The following GLIS1 variants were observed in gnomAD, a reference collection of about 807,000 sequenced individuals.
The protein encoded by GLIS1 is zinc finger protein GLIS1.
GLIS1 carries 24 observed loss-of-function variants against 63.8 expected under a neutral mutation model. That is an observed-to-expected ratio of 0.38 (90% CI 0.27 to 0.53). The LOEUF (loss-of-function observed/expected upper bound fraction) is 0.53, where lower values mean the gene tolerates loss of function less well. Among genes scored for constraint, GLIS1 ranks in the 20% least tolerant of loss-of-function variants. GLIS1 has a pLI of 0.85. For missense variants in GLIS1, 1,036 were observed against 1,074.1 expected (o/e 0.96, Z 0.50); for synonymous variants, 450 against 482.5 (o/e 0.93, Z 0.88).
chr1:53,657,247 G>A (rs531068520), intron 2 of GLIS1, among the ~76,000 whole-genome samples: 10 of 152,296 alleles, frequency 6.6e-5, no homozygotes, highest in Non-Finnish European at 5.9e-5. Context: ...TGAGGGGTAT[G>A]CTAATAGGTC....
rs528283416 is a variant in GLIS1, at chr1:53,514,123, C to G, written c.1883+502G>C. Among the ~76,000 whole-genome samples, 11 of 152,356 alleles carry G rather than the reference C, an allele frequency of 7.2e-5. No homozygotes were observed. The East Asian group carries it at 2.1e-3, about 29-fold the overall frequency. On this transcript the variant is annotated intron_variant, in intron 8 of 10. Transcript: ENST00000628545. ...AGAGGCTGCCCCTCTCCACAGTGAT[C>G]CTGAAGTAAAGGCTCCCAGGCAGCC...
At position 53,594,542 on chromosome 1, in the gene GLIS1, G is replaced by A. The variant is rs762773798; in HGVS notation, c.886C>T (p.Arg296Trp). 3.1e-5 allele frequency: 49 copies of A among 1,604,988 alleles called. 1 individual carries two copies. The highest frequency in any genetic ancestry group is 1.9e-4 in the South Asian group (17 of 90,870). ...GDLGGPSKRA[R>W]PGPASTDSHE... ...CTGTCCGTCGATGCAGGGCCAGGCC[G>A]GGCCCGCTTGGAAGGGCCCCCCAGA... The change falls in exon 4 of 11, where the codon CGG becomes TGG. Residue 296 changes from arginine (R) to tryptophan (W), a missense_variant. Physicochemically the swap from Arg to Trp is moderately radical, Grantham distance 101. Transcript: ENST00000628545.
intron 6 of GLIS1, among the ~76,000 whole-genome samples, chr1:53,523,321 C>A (rs1389776588): frequency 6.6e-6 from 1 of 152,094 alleles, no homozygotes; most frequent in Non-Finnish European, 1.5e-5. Flanking sequence ...ACCAACTTCC[C>A]AAGCCTGGCG....
chr1:53,652,462 G>A lies in GLIS1; in HGVS notation c.260-52184C>T, dbSNP rs554283456. Reference sequence around the variant, plus strand: ...TCCAGACACTGCTGACCAGAAAAGAGGGTGGGATGAGATGGTGGCCAGGGG... The same window carrying A: ...TCCAGACACTGCTGACCAGAAAAGAAGGTGGGATGAGATGGTGGCCAGGGG... On this transcript the variant is annotated intron_variant, in intron 2 of 10. Transcript: ENST00000628545. Among the ~76,000 whole-genome samples the A allele has an allele frequency of 8.5e-5, 13 of 152,276 alleles. No homozygotes were observed. The South Asian group carries it at 2.7e-3, about 32-fold the overall frequency.
At chr1:53,543,973 G>T (rs920704974) in intron 4 of GLIS1, among the ~76,000 whole-genome samples, 1 of 152,166 alleles carries the variant, frequency 6.6e-6, no homozygotes, top group Non-Finnish European at 1.5e-5. Flanking sequence ...GGAGAAGCAC[G>T]CTGTGAGGAG....
At chr1:53,656,400 T>C (rs1405313981) in intron 2 of GLIS1, among the ~76,000 whole-genome samples, 1 of 152,210 alleles carries the variant, frequency 6.6e-6, no homozygotes, top group Admixed American at 6.5e-5. Context: ...CTTTCTGAAA[T>C]GTCACCAAGA....
chr1:53,520,884 A>G (rs1644401523), intron 6 of GLIS1, 118 bp from the exon 7 acceptor site: 1 of 1,126,324 alleles, frequency 8.9e-7, no homozygotes, highest in Admixed American at 3.3e-5. Context: ...CCTTCCCTTC[A>G]CTGTGCCTCA....
At chr1:53,726,843 A>G (rs1189344760) in intron 2 of GLIS1, among the ~76,000 whole-genome samples, 2 of 152,222 alleles carry the variant, frequency 1.3e-5, no homozygotes, top group African/African-American at 4.8e-5. Context: ...AGAATTAAAA[A>G]GCAGAATCTG....
chr1:53,583,216 C>G (rs1344303383), intron 4 of GLIS1, among the ~76,000 whole-genome samples: 1 of 152,220 alleles, frequency 6.6e-6, no homozygotes, highest in Non-Finnish European at 1.5e-5. Flanking sequence ...AGTGACCCCA[C>G]TGTGAAACAG....
chr1:53,580,005 G>T (rs1645069577), intron 4 of GLIS1, among the ~76,000 whole-genome samples: 1 of 152,222 alleles, frequency 6.6e-6, no homozygotes, highest in Non-Finnish European at 1.5e-5. Flanking sequence ...ACCAGAACAA[G>T]GAAAATGCAT....
intron 2 of GLIS1, among the ~76,000 whole-genome samples, chr1:53,613,655 T>TG (rs1645449261): frequency 6.6e-6 from 1 of 151,378 alleles, no homozygotes; most frequent in South Asian, 2.1e-4. Context: ...TTTTGGTGGT[T>TG]TTTTTTTCAG....
At chr1:53,663,357 G>A (rs974703340) in intron 2 of GLIS1, among the ~76,000 whole-genome samples, 3 of 152,240 alleles carry the variant, frequency 2.0e-5, no homozygotes, top group South Asian at 2.1e-4. Flanking sequence ...GAGGCCTGGG[G>A]GCTGCCAAGG....
intron 4 of GLIS1, among the ~76,000 whole-genome samples, chr1:53,540,597 CAAG>C (rs1644633710): frequency 6.6e-6 from 1 of 152,128 alleles, no homozygotes; most frequent in Non-Finnish European, 1.5e-5. Flanking sequence ...TCCCAAGTTC[CAAG>C]AAGAAATAGC....
intron 4 of GLIS1, among the ~76,000 whole-genome samples, chr1:53,556,881 ATG>A (rs1644839881): frequency 1.1e-5 from 1 of 87,768 alleles, no homozygotes; most frequent in Non-Finnish European, 2.3e-5. Flanking sequence ...GTGTATGCAG[ATG>A]TGTGTGTGCA....
intron 4 of GLIS1, among the ~76,000 whole-genome samples, chr1:53,536,279 G>T (rs1644580739): frequency 6.6e-6 from 1 of 152,090 alleles, no homozygotes; most frequent in African/African-American, 2.4e-5. Context: ...AGGGCAGGGG[G>T]TACCCAGGAT....
chr1:53,662,507 C>T (rs1646039718), intron 2 of GLIS1, among the ~76,000 whole-genome samples: 1 of 152,144 alleles, frequency 6.6e-6, no homozygotes, highest in South Asian at 2.1e-4. Flanking sequence ...TCTCCCATCT[C>T]CTGCTGTGGG....
chr1:53,712,880 C>G (rs1347364294), intron 2 of GLIS1, among the ~76,000 whole-genome samples: 2 of 151,966 alleles, frequency 1.3e-5, no homozygotes, highest in Non-Finnish European at 2.9e-5. Context: ...ACGGCACTGC[C>G]AGAAATAGCA....
intron 2 of GLIS1, among the ~76,000 whole-genome samples, chr1:53,729,744 T>C (rs1646841106): frequency 6.6e-6 from 1 of 152,218 alleles, no homozygotes; most frequent in Non-Finnish European, 1.5e-5. Context: ...ACTAAATGCT[T>C]TGCTTTAGGC....
chr1:53,664,306 C>T (rs140352701), intron 2 of GLIS1, among the ~76,000 whole-genome samples: 29 of 152,304 alleles, frequency 1.9e-4, no homozygotes, highest in South Asian at 4.1e-4. Flanking sequence ...GGAAGCCCTA[C>T]CGGATGCTTC....
Sources: gnomAD v4.1 joint callset for allele counts (sites outside exome capture counted in the v4.1 genomes callset) on GRCh38, gnomAD v4.1.1 for gene constraint, MANE v1.5 for transcripts, NCBI Gene and HGNC (gene_info 2026-07-23, HGNC 2026-07-21) for gene names.